The following AGPS variants were observed in gnomAD, a reference collection of about 807,000 sequenced individuals.
AGPS encodes the protein alkyldihydroxyacetonephosphate synthase, peroxisomal.
In AGPS, 26 loss-of-function variants were observed where a neutral mutation model predicts 90.7. That is an observed-to-expected ratio of 0.29 (90% CI 0.21 to 0.40). The LOEUF (loss-of-function observed/expected upper bound fraction) is 0.40, where lower values mean the gene tolerates loss of function less well. Ranked by LOEUF, AGPS falls within the 10% of genes least tolerant of loss-of-function variation. The probability of loss-of-function intolerance (pLI) is 1.00; values close to 1 mark genes in which losing one functional copy is unlikely to be tolerated. For missense variants in AGPS, 540 were observed against 816.1 expected (o/e 0.66, Z 4.12); for synonymous variants, 294 against 285.3 (o/e 1.03, Z -0.31).
intron 1 of AGPS, among the ~76,000 whole-genome samples, chr2:177,397,074 G>T (rs1053603272): frequency 4.6e-5 from 7 of 151,754 alleles, no homozygotes; most frequent in African/African-American, 1.7e-4. Context: ...GGAGTAGCTG[G>T]GATTACAGAG....
At chr2:177,515,486 C>G (rs2105728100) in intron 17 of AGPS, among the ~76,000 whole-genome samples, 1 of 151,784 alleles carries the variant, frequency 6.6e-6, no homozygotes, top group Middle Eastern at 3.4e-3. Context: ...CTTCTGCCCC[C>G]AAGTTCCTGT....
chr2:177,439,174 G>A (rs774450470), intron 5 of AGPS, among the ~76,000 whole-genome samples: 1 of 152,196 alleles, frequency 6.6e-6, no homozygotes, highest in African/African-American at 2.4e-5. Context: ...CTTTAGAACT[G>A]TGAAAATACA....
chr2:177,464,681 G>A (rs1359699171), intron 9 of AGPS, among the ~76,000 whole-genome samples: 1 of 152,182 alleles, frequency 6.6e-6, no homozygotes, highest in African/African-American at 2.4e-5. Context: ...CTTCACTAAC[G>A]GATTTCCTGA....
At chr2:177,469,508 C>T (rs1687549243) in intron 10 of AGPS, among the ~76,000 whole-genome samples, 1 of 152,110 alleles carries the variant, frequency 6.6e-6, no homozygotes, top group South Asian at 2.1e-4. Context: ...CAATGACAGA[C>T]CTTTGTCAAG....
chr2:177,421,261 G>T (rs1379496616), intron 2 of AGPS, among the ~76,000 whole-genome samples: 2 of 151,898 alleles, frequency 1.3e-5, no homozygotes, highest in East Asian at 3.9e-4. Context: ...TAAAAAATTG[G>T]ATCAGATATA....
At chr2:177,461,791 T>C in intron 8 of AGPS, 102 bp from the exon 9 acceptor site, 4 of 949,538 alleles carry the variant, frequency 4.2e-6, no homozygotes, top group Admixed American at 2.2e-5. Flanking sequence ...TAAATTCAAA[T>C]ATCAATGACA....
chr2:177,439,776 G>GAAA (rs1686542422), intron 5 of AGPS, among the ~76,000 whole-genome samples: 1 of 151,870 alleles, frequency 6.6e-6, no homozygotes. Flanking sequence ...CTCAAGTCTC[G>GAAA]CTCCTCCATG....
Position 177,494,350 on chromosome 2 carries a change from A to G in AGPS, c.1285+1151A>G, listed in dbSNP as rs577416423. On this transcript the variant is annotated intron_variant, in intron 12 of 19. Coordinates refer to ENST00000264167, the MANE Select transcript of AGPS (RefSeq NM_003659.4). Reference sequence around the variant, plus strand: ...TCTTTAAGTAAATTACTTTCAAAATACTATACTACTGACAAAAGTTTAAGA... The same window carrying G: ...TCTTTAAGTAAATTACTTTCAAAATGCTATACTACTGACAAAAGTTTAAGA... Among the ~76,000 whole-genome samples, 298 of 152,348 alleles carry G rather than the reference A, an allele frequency of 2.0e-3. 2 individuals carry two copies. The highest frequency in any genetic ancestry group is 6.8e-3 in the African/African-American group (284 of 41,590).
At chr2:177,401,447 A>G (rs1028374813) in intron 1 of AGPS, among the ~76,000 whole-genome samples, 4 of 152,244 alleles carry the variant, frequency 2.6e-5, no homozygotes, top group Non-Finnish European at 4.4e-5. Context: ...TTCACAGATT[A>G]GGAACTGAAA....
intron 1 of AGPS, among the ~76,000 whole-genome samples, chr2:177,416,829 C>T (rs1054144750): frequency 2.0e-5 from 3 of 151,968 alleles, no homozygotes; most frequent in Non-Finnish European, 2.9e-5. Flanking sequence ...GTGCCTGGCC[C>T]GGTCTTGTTT....
At position 177,508,034 on chromosome 2, in the gene AGPS, A is replaced by G. The variant is rs1209478330; in HGVS notation, c.1607+3A>G. ...GAGACTTCTGCTCCTTGGGACAGGT[A>G]AAATATACTAAAGTGCCTGATATTA... On this transcript the variant is annotated splice_donor_region_variant and intron_variant, in intron 16 of 19. Transcript: ENST00000264167. The G allele has an allele frequency of 1.2e-6, 2 of 1,603,098 alleles. No homozygotes were observed. The highest frequency in any genetic ancestry group is 2.2e-5 in the South Asian group (2 of 90,820).
chr2:177,528,301 G>A (rs985883646), intron 19 of AGPS, among the ~76,000 whole-genome samples: 1 of 152,062 alleles, frequency 6.6e-6, no homozygotes, highest in African/African-American at 2.4e-5. Context: ...CGATTAATCT[G>A]TTAAAAAAAT....
intron 19 of AGPS, among the ~76,000 whole-genome samples, chr2:177,528,849 C>A (rs1326927834): frequency 1.3e-5 from 1 of 79,142 alleles, no homozygotes; most frequent in Admixed American, 1.9e-4. Context: ...CATATTAATC[C>A]TTTTTTTTTT....
intron 2 of AGPS, among the ~76,000 whole-genome samples, chr2:177,427,501 C>T (rs369329165): frequency 2.0e-5 from 3 of 152,100 alleles, no homozygotes; most frequent in African/African-American, 7.2e-5. Flanking sequence ...AGAAATTTTC[C>T]TCTTAACACT....
rs1400916768 is a variant in AGPS at position 177,543,450 on chromosome 2, T to C, written c.*5255T>C. On this transcript the variant is annotated 3_prime_UTR_variant, in exon 20 of 20. Transcript: ENST00000264167. ...ACAACTTAACTTGAATAATATCTTA[T>C]CCTGAGTCTTCCTCCAAGGCAGTAC... The C allele has an allele frequency of 6.6e-6, 1 of 152,220 alleles. No individual in the cohort carries two copies. Among genetic ancestry groups the C allele is most frequent in the Non-Finnish European group, 1.5e-5 (1 of 68,034 alleles). The allele number at this position is 152,220 out of a possible 1,614,324, so 9.4% of individuals were successfully genotyped here.
chr2:177,533,506 A>G (rs759802901), intron 19 of AGPS, among the ~76,000 whole-genome samples: 9 of 152,262 alleles, frequency 5.9e-5, no homozygotes, highest in South Asian at 2.1e-4. Flanking sequence ...AGCCTCAGGT[A>G]TATCACCAGG....
At chr2:177,534,046 C>T (rs1407028477) in intron 19 of AGPS, among the ~76,000 whole-genome samples, 3 of 152,134 alleles carry the variant, frequency 2.0e-5, no homozygotes, top group African/African-American at 7.2e-5. Context: ...ATCTTTTTGA[C>T]TTATAATCAA....
intron 7 of AGPS, among the ~76,000 whole-genome samples, chr2:177,442,993 C>T (rs868529121): frequency 6.6e-6 from 1 of 151,674 alleles, no homozygotes; most frequent in African/African-American, 2.4e-5. Flanking sequence ...TTTTCAAATA[C>T]CTAAGTAGAG....
chr2:177,493,967 T>C (rs535389511), intron 12 of AGPS, among the ~76,000 whole-genome samples: 46 of 152,114 alleles, frequency 3.0e-4, no homozygotes, highest in African/African-American at 1.1e-3. Context: ...AAAGGAGGAG[T>C]TGAAGACAAC....
Sources: allele counts gnomAD v4.1 joint callset (sites outside exome capture counted in the v4.1 genomes callset), GRCh38; gene constraint gnomAD v4.1.1; transcripts MANE v1.5; gene names NCBI Gene and HGNC (gene_info 2026-07-23, HGNC 2026-07-21).